The following EBF1 variants were observed in gnomAD, a reference collection of about 807,000 sequenced individuals.
EBF1 encodes EBF transcription factor 1, also known as transcription factor COE1.
In EBF1, 10 loss-of-function variants were observed where a neutral mutation model predicts 68.4. That is an observed-to-expected ratio of 0.15 (90% CI 0.09 to 0.25). The LOEUF (loss-of-function observed/expected upper bound fraction) is 0.25. Among genes scored for constraint, EBF1 ranks in the 10% least tolerant of loss-of-function variants. EBF1 has a pLI of 1.00. For synonymous variants in EBF1, 298 were observed against 299.8 expected (o/e 0.99, Z 0.06); for missense variants, 509 against 794.4 (o/e 0.64, Z 4.32).
intron 4 of EBF1, 36 bp from the exon 5 acceptor site, chr5:159,084,775 A>G (rs770007408): frequency 2.6e-6 from 4 of 1,543,450 alleles, no homozygotes; most frequent in Non-Finnish European, 3.5e-6. Flanking sequence ...TAAGAATGGA[A>G]AGGAGTAGCA....
intron 9 of EBF1, among the ~76,000 whole-genome samples, chr5:158,781,245 A>G (rs1776396943): frequency 6.6e-6 from 1 of 152,210 alleles, no homozygotes; most frequent in Non-Finnish European, 1.5e-5. Context: ...TTATACTTAT[A>G]AAGAAGTATT....
chr5:158,984,435 TA>T (rs1475275976), intron 6 of EBF1, among the ~76,000 whole-genome samples: 1 of 152,164 alleles, frequency 6.6e-6, no homozygotes, highest in Non-Finnish European at 1.5e-5. Flanking sequence ...TTAAGGGAAA[TA>T]AAACTGTACC....
intron 9 of EBF1, among the ~76,000 whole-genome samples, chr5:158,786,160 C>T (rs1490367150): frequency 6.6e-6 from 1 of 151,810 alleles, no homozygotes; most frequent in Admixed American, 6.6e-5. Context: ...CCCAAACAAA[C>T]AACAACAAAA....
intron 6 of EBF1, among the ~76,000 whole-genome samples, chr5:158,974,652 T>C (rs1756355236): frequency 6.6e-6 from 1 of 152,200 alleles, no homozygotes; most frequent in African/African-American, 2.4e-5. Flanking sequence ...TTAAAATGTG[T>C]GTATTATAAA....
At chr5:158,831,749 G>A (rs887114636) in intron 7 of EBF1, among the ~76,000 whole-genome samples, 2 of 152,150 alleles carry the variant, frequency 1.3e-5, no homozygotes, top group South Asian at 4.1e-4. Flanking sequence ...TGATCCACCT[G>A]CCTCGTACTC....
At chr5:158,875,047 A>G (rs1797566582) in intron 6 of EBF1, among the ~76,000 whole-genome samples, 1 of 99,010 alleles carries the variant, frequency 1.0e-5, no homozygotes, top group African/African-American at 4.2e-5. Flanking sequence ...ACAAGCACAC[A>G]CACACACATA....
chr5:158,719,384 G>C (rs1259121692), intron 11 of EBF1, among the ~76,000 whole-genome samples: 1 of 152,162 alleles, frequency 6.6e-6, no homozygotes, highest in Non-Finnish European at 1.5e-5. Context: ...CTTGGAAATA[G>C]TTAGGTATTT....
At chr5:158,727,617 AG>A (rs1269283814) in intron 11 of EBF1, among the ~76,000 whole-genome samples, 1 of 152,222 alleles carries the variant, frequency 6.6e-6, no homozygotes, top group African/African-American at 2.4e-5. Context: ...TATATGAAAA[AG>A]GAAACCAAAA....
At chr5:158,752,774 T>G (rs1369750163) in intron 10 of EBF1, among the ~76,000 whole-genome samples, 1 of 152,094 alleles carries the variant, frequency 6.6e-6, no homozygotes, top group East Asian at 1.9e-4. Context: ...GTCCCACGGT[T>G]GTAAAATCTT....
At chr5:159,086,491 A>T (rs1584515617) in intron 4 of EBF1, among the ~76,000 whole-genome samples, 1 of 152,172 alleles carries the variant, frequency 6.6e-6, no homozygotes, top group Non-Finnish European at 1.5e-5. Flanking sequence ...ATATTTCATG[A>T]CATTGATATT....
intron 6 of EBF1, among the ~76,000 whole-genome samples, chr5:159,071,244 C>T (rs1216230130): frequency 2.0e-5 from 3 of 152,156 alleles, no homozygotes; most frequent in East Asian, 1.9e-4. Context: ...CAACAGCCAG[C>T]GAATAAACAT....
At chr5:158,704,996 TTCTTTCTG>T (rs1214843018) in intron 15 of EBF1, among the ~76,000 whole-genome samples, 2 of 152,242 alleles carry the variant, frequency 1.3e-5, no homozygotes, top group Non-Finnish European at 2.9e-5. Flanking sequence ...ACCATTTTCT[TTCTTTCTG>T]TCTTTCTTTT....
chr5:159,004,533 A>AGTAGGTAGGTAG (rs35066031), intron 6 of EBF1, among the ~76,000 whole-genome samples: 27 of 150,544 alleles, frequency 1.8e-4, no homozygotes, highest in African/African-American at 6.1e-4. Flanking sequence ...ACAGAGAGGT[A>AGTAGGTAGGTAG]GTAGGTAGGT....
In EBF1 at chr5:159,091,389, C is replaced by T. The variant is rs547087211; in HGVS notation, c.411+4231G>A. 4.6e-5 allele frequency among the ~76,000 whole-genome samples: 7 copies of T among 152,290 alleles called. No individual in the cohort carries two copies. The East Asian group carries it at 1.4e-3, about 29-fold the overall frequency. On this transcript the variant is annotated intron_variant, in intron 4 of 15. Transcript: ENST00000313708. ...CAGGTCCTGATCATGCATAAAAATT[C>T]CAAACTTCTTCATTCCTCTATGTGC...
At chr5:159,087,660 A>G (rs972050522) in intron 4 of EBF1, among the ~76,000 whole-genome samples, 2 of 152,080 alleles carry the variant, frequency 1.3e-5, no homozygotes, top group Admixed American at 6.6e-5. Flanking sequence ...AAATACATTC[A>G]TGGTTTTCCC....
chr5:158,892,483 A>C (rs974161382), intron 6 of EBF1, among the ~76,000 whole-genome samples: 6 of 152,150 alleles, frequency 3.9e-5, no homozygotes, highest in African/African-American at 9.7e-5. Context: ...AACAAAAAAA[A>C]CCAAAGATCT....
chr5:159,022,686 A>G (rs1328954177), intron 6 of EBF1, among the ~76,000 whole-genome samples: 1 of 152,240 alleles, frequency 6.6e-6, no homozygotes, highest in Non-Finnish European at 1.5e-5. Flanking sequence ...AAAGGGACTG[A>G]AAAAGGAGTC....
intron 6 of EBF1, among the ~76,000 whole-genome samples, chr5:159,049,916 G>A (rs1773192005): frequency 6.6e-6 from 1 of 152,152 alleles, no homozygotes; most frequent in Non-Finnish European, 1.5e-5. Context: ...ACACAGCACA[G>A]CAAATTCATT....
chr5:158,938,017 T>C (rs1812448337), intron 6 of EBF1, among the ~76,000 whole-genome samples: 1 of 152,210 alleles, frequency 6.6e-6, no homozygotes, highest in Non-Finnish European at 1.5e-5. Context: ...ATGTTCACAC[T>C]ATAAGGCAAA....
Sources: allele counts gnomAD v4.1 joint callset (sites outside exome capture counted in the v4.1 genomes callset), GRCh38; gene constraint gnomAD v4.1.1; transcripts MANE v1.5; gene names NCBI Gene and HGNC (gene_info 2026-07-23, HGNC 2026-07-21).